Variants in UBA3 observed in about 807,000 individuals in gnomAD.
The protein encoded by UBA3 is ubiquitin like modifier activating enzyme 3.
In UBA3, 26 loss-of-function variants were observed where a neutral mutation model predicts 73.5. The observed-to-expected ratio is 0.35, with a 90% CI of 0.26 to 0.49. The LOEUF is 0.49. UBA3 is among the 20% of genes least tolerant of loss of function. The probability of loss-of-function intolerance (pLI) is 0.98; values close to 1 mark genes in which losing one functional copy is unlikely to be tolerated. For synonymous variants in UBA3, 217 were observed against 191.2 expected (o/e 1.13, Z -1.11); for missense variants, 495 against 555.6 (o/e 0.89, Z 1.10).
chr3:69,068,915 T>C (rs994615346), intron 5 of UBA3, among the ~76,000 whole-genome samples: 6 of 152,160 alleles, frequency 3.9e-5, no homozygotes, highest in Non-Finnish European at 1.5e-5. Context: ...TCAGCTAAAA[T>C]TGCAAATGTT....
At chr3:69,068,936 C>A (rs769997208) in intron 5 of UBA3, among the ~76,000 whole-genome samples, 2 of 152,182 alleles carry the variant, frequency 1.3e-5, no homozygotes, top group African/African-American at 2.4e-5. Context: ...ACTATTACAT[C>A]ACAGAAGCTG....
chr3:69,077,689 A>T (rs1413685221), intron 3 of UBA3, 109 bp downstream of exon 3: 6 of 1,244,848 alleles, frequency 4.8e-6, no homozygotes, highest in Non-Finnish European at 6.4e-6. Context: ...GTTTCACAAA[A>T]CAATTTTATT....
At chr3:69,077,955 G>T (rs2092182500) in intron 2 of UBA3, 37 bp from the exon 3 acceptor site, 1 of 1,604,764 alleles carries the variant, frequency 6.2e-7, no homozygotes, top group African/African-American at 1.3e-5. Context: ...GCAAAGATCA[G>T]TATGAAAAAA....
At chr3:69,059,029 G>A (rs772169093) in intron 11 of UBA3, among the ~76,000 whole-genome samples, 2 of 152,202 alleles carry the variant, frequency 1.3e-5, no homozygotes, top group Non-Finnish European at 2.9e-5. Context: ...GCAAATATGT[G>A]TAACACATGC....
chr3:69,056,091 CA>C, intron 15 of UBA3, 28 bp from the exon 16 acceptor site: 1 of 1,575,428 alleles, frequency 6.3e-7, no homozygotes, highest in Non-Finnish European at 8.6e-7. Flanking sequence ...AGAGAAGTAT[CA>C]AACATAATTT....
chr3:69,070,088 T>C (rs114472226), intron 5 of UBA3, among the ~76,000 whole-genome samples: 2 of 152,310 alleles, frequency 1.3e-5, no homozygotes, highest in African/African-American at 4.8e-5. Flanking sequence ...TTGCTACATA[T>C]CGTTATTACC....
chr3:69,063,304 C>T (rs1695716262), intron 8 of UBA3, 135 bp downstream of exon 8: 2 of 1,227,734 alleles, frequency 1.6e-6, no homozygotes, highest in African/African-American at 3.1e-5. Flanking sequence ...CAATGACTGG[C>T]AATAAACAAT....
At chr3:69,077,096 C>A (rs1575849284) in intron 3 of UBA3, among the ~76,000 whole-genome samples, 1 of 150,046 alleles carries the variant, frequency 6.7e-6, no homozygotes, top group South Asian at 2.1e-4. Flanking sequence ...TTAATACTTT[C>A]AATTCTTTTT....
At position 69,071,526 on chromosome 3, in the gene UBA3, A is replaced by T. The variant is rs754656949; in HGVS notation, c.347+9T>A. ...AAAAAAAGAAAACCGCTAAGATATTAAAACTTACCTAAATAAAAACTGCCT... is the reference window on the plus strand; with the variant it reads ...AAAAAAAGAAAACCGCTAAGATATTTAAACTTACCTAAATAAAAACTGCCT... On this transcript the variant is annotated intron_variant, in intron 5 of 17. Transcript: ENST00000361055. 18 of 1,449,034 alleles carry T rather than the reference A, an allele frequency of 1.2e-5. No individual in the cohort carries two copies. Among genetic ancestry groups the T allele is most frequent in the Non-Finnish European group, 1.6e-5 (17 of 1,062,256 alleles). 89.8% of individuals were successfully genotyped at this position (1,449,034 alleles called of 1,614,324 possible). A position where few individuals can be genotyped will look rare whatever the true frequency, so the allele number is the denominator to read the frequency against.
At position 69,063,475 on chromosome 3, in the gene UBA3, G is replaced by A; in HGVS notation, c.501C>T (p.Asp167=). The A allele has an allele frequency of 6.3e-7, 1 of 1,577,976 alleles. No homozygotes were observed. The highest frequency in any genetic ancestry group is 1.2e-5 in the South Asian group (1 of 84,340). The stretch of plus-strand genomic sequence containing the variant: ...TTATCCATCTTCTGGCGATGATAGA[G>A]TCCAGTCCACATACAATAATATGAA... ...RQFHIIVCGL[D]SIIARRWING... The change falls in exon 8 of 18, where the codon GAC becomes GAT. Residue 167 remains aspartate, a synonymous_variant. Transcript: ENST00000361055.
rs367636491 is a variant in UBA3, at chr3:69,077,789, G to A, written c.183+9C>T. 1.4e-5 allele frequency: 22 copies of A among 1,606,724 alleles called. No homozygotes were observed. In the African/African-American group the frequency reaches 1.5e-4, roughly 11 times the overall value. Reference sequence around the variant, plus strand: ...TTAGAGCAGTTATTTAAAAATAAACGTTTCTCACTTCAGTGCTCGGTTCGA... The same window carrying A: ...TTAGAGCAGTTATTTAAAAATAAACATTTCTCACTTCAGTGCTCGGTTCGA... On this transcript the variant is annotated intron_variant, in intron 3 of 17. Coordinates refer to ENST00000361055, the MANE Select transcript of UBA3 (RefSeq NM_003968.4).
intron 1 of UBA3, 75 bp from the exon 2 acceptor site, chr3:69,080,228 C>CG: frequency 1.7e-5 from 8 of 459,570 alleles, no homozygotes; most frequent in Non-Finnish European, 2.8e-5. Context: ...GGCGAGGGGA[C>CG]GGGGCGGGGG....
At chr3:69,056,435 C>A in intron 14 of UBA3, 152 bp from the exon 15 acceptor site, 1 of 846,016 alleles carries the variant, frequency 1.2e-6, no homozygotes, top group Non-Finnish European at 1.8e-6. Context: ...TCATAATAGA[C>A]CATTTCTTGT....
At chr3:69,070,895 C>G (rs929836803) in intron 5 of UBA3, among the ~76,000 whole-genome samples, 5 of 152,176 alleles carry the variant, frequency 3.3e-5, no homozygotes, top group African/African-American at 1.2e-4. Context: ...ATCTTCTCAC[C>G]TCAGCCTCCC....
At chr3:69,078,775 G>C (rs1359039271) in intron 2 of UBA3, among the ~76,000 whole-genome samples, 1 of 152,108 alleles carries the variant, frequency 6.6e-6, no homozygotes. Context: ...ACCTGGCAGA[G>C]GTCTTAATTT....
chr3:69,079,814 G>T, intron 2 of UBA3: 2 of 417,522 alleles, frequency 4.8e-6, no homozygotes, highest in Non-Finnish European at 8.5e-6. Context: ...ATTTGGGATG[G>T]AGGAAGAGGA....
chr3:69,057,135 G>A lies in UBA3; in HGVS notation c.964+121C>T, dbSNP rs796720623. On this transcript the variant is annotated intron_variant, in intron 12 of 17. Transcript: ENST00000361055. ...AAAGTCTAATAACTGGTTCTTTTTC[G>A]ACAGCTTAGTTACACAACCCATCCA... 16 of 1,061,556 alleles carry A rather than the reference G, an allele frequency of 1.5e-5. 1 individual carries two copies. The highest frequency in any genetic ancestry group is 1.3e-4 in the African/African-American group (8 of 61,918). 65.8% of individuals were successfully genotyped at this position (1,061,556 alleles called of 1,614,324 possible).
intron 11 of UBA3, among the ~76,000 whole-genome samples, chr3:69,061,050 A>G (rs62254242): frequency 0.23 from 34,974 of 152,244 alleles, 4,150 homozygotes; most frequent in East Asian, 0.39. Flanking sequence ...GAACTAATAC[A>G]GGGTTAAAGG....
At chr3:69,068,250 G>C (rs1215542741) in intron 5 of UBA3, among the ~76,000 whole-genome samples, 1 of 152,090 alleles carries the variant, frequency 6.6e-6, no homozygotes, top group East Asian at 1.9e-4. Flanking sequence ...CTTTAATTAA[G>C]AGAAAATCTG....
Sources: allele counts gnomAD v4.1 joint callset (sites outside exome capture counted in the v4.1 genomes callset), GRCh38; gene constraint gnomAD v4.1.1; transcripts MANE v1.5; gene names NCBI Gene and HGNC (gene_info 2026-07-23, HGNC 2026-07-21).